The following ERC2 variants were observed in gnomAD, a reference collection of about 807,000 sequenced individuals.
ERC2 encodes the protein ELKS/RAB6-interacting/CAST family member 2, also known as ERC protein 2.
In ERC2, 42 loss-of-function variants were observed where a neutral mutation model predicts 114.8. The observed-to-expected ratio is 0.37, with a 90% CI of 0.29 to 0.47. The LOEUF is 0.47. ERC2 is among the 20% of genes least tolerant of loss of function. ERC2 has a pLI of 0.99. For missense variants in ERC2, 939 were observed against 1,150.7 expected, an observed-to-expected ratio of 0.82 and a Z score of 2.66; for synonymous variants, 454 against 425.5, an observed-to-expected ratio of 1.07 and a Z score of -0.82.
intron 3 of ERC2, among the ~76,000 whole-genome samples, chr3:56,249,819 A>G (rs1224254989): frequency 6.7e-6 from 1 of 149,648 alleles, no homozygotes; most frequent in African/African-American, 2.5e-5. Context: ...TGACATTTCC[A>G]TTATAAACCA....
intron 6 of ERC2, among the ~76,000 whole-genome samples, chr3:56,126,408 C>T (rs2079865406): frequency 6.6e-6 from 1 of 152,146 alleles, no homozygotes; most frequent in Non-Finnish European, 1.5e-5. Flanking sequence ...AACATCCCTT[C>T]ATGATAAAAA....
chr3:56,440,588 T>C (rs746907192), intron 1 of ERC2, among the ~76,000 whole-genome samples: 24 of 150,600 alleles, frequency 1.6e-4, no homozygotes, highest in Non-Finnish European at 3.1e-4. Context: ...CAGGGCATGT[T>C]GACTCCTGCT....
intron 1 of ERC2, among the ~76,000 whole-genome samples, chr3:56,452,316 A>G (rs906035903): frequency 3.9e-5 from 6 of 152,238 alleles, no homozygotes; most frequent in Non-Finnish European, 7.3e-5. Context: ...GAAGTTGACT[A>G]TGATGAATAT....
intron 3 of ERC2, among the ~76,000 whole-genome samples, chr3:56,229,699 T>C (rs1304120517): frequency 6.6e-6 from 1 of 152,060 alleles, no homozygotes; most frequent in African/African-American, 2.4e-5. Context: ...GAAGACATGA[T>C]GTGGATTGAG....
At chr3:55,805,640 C>A (rs2059458091) in intron 14 of ERC2, among the ~76,000 whole-genome samples, 1 of 148,802 alleles carries the variant, frequency 6.7e-6, no homozygotes, top group African/African-American at 2.5e-5. Context: ...GGGGTGCTAC[C>A]AGATGTGCTC....
At chr3:56,015,091 G>T (rs1560026096) in intron 8 of ERC2, among the ~76,000 whole-genome samples, 1 of 151,884 alleles carries the variant, frequency 6.6e-6, no homozygotes, top group Admixed American at 6.6e-5. Context: ...CTCCTCCATG[G>T]TTTTTTTAGC....
chr3:56,119,941 A>G (rs951840742), intron 6 of ERC2, among the ~76,000 whole-genome samples: 14 of 152,228 alleles, frequency 9.2e-5, no homozygotes, highest in South Asian at 4.1e-4. Context: ...AAATAAAAGT[A>G]CCAAAGAAAA....
intron 13 of ERC2, among the ~76,000 whole-genome samples, chr3:55,891,518 C>T (rs1217002769): frequency 7.3e-6 from 1 of 137,908 alleles, no homozygotes; most frequent in Non-Finnish European, 1.5e-5. Flanking sequence ...GTGATCTTGG[C>T]TCACTGCAAT....
chr3:56,310,903 T>C (rs534742649), intron 2 of ERC2, among the ~76,000 whole-genome samples: 1 of 152,092 alleles, frequency 6.6e-6, no homozygotes, highest in African/African-American at 2.4e-5. Context: ...AAGTTTCAGT[T>C]TTACTACTGA....
At chr3:56,189,200 A>G (rs903750194) in intron 3 of ERC2, among the ~76,000 whole-genome samples, 15 of 152,176 alleles carry the variant, frequency 9.9e-5, no homozygotes, top group African/African-American at 3.4e-4. Context: ...ACCTCCACAG[A>G]ATGAATCTGT....
chr3:55,828,755 A>G (rs2060441154), intron 14 of ERC2, among the ~76,000 whole-genome samples: 1 of 152,170 alleles, frequency 6.6e-6, no homozygotes, highest in Non-Finnish European at 1.5e-5. Context: ...TTGTGGTAGG[A>G]ACCTAACCAG....
At chr3:56,467,275 C>T (rs938600639) in intron 1 of ERC2, 7 of 152,212 alleles carry the variant, frequency 4.6e-5, no homozygotes, top group Admixed American at 2.6e-4. Context: ...ATTCTACCCA[C>T]GTAAGTGGCA....
chr3:55,854,255 T>C (rs2061693841), intron 14 of ERC2, among the ~76,000 whole-genome samples: 1 of 152,136 alleles, frequency 6.6e-6, no homozygotes. Context: ...AGCCCAGGTG[T>C]CAGAGTGAGA....
At chr3:56,222,714 A>G (rs572427708) in intron 3 of ERC2, among the ~76,000 whole-genome samples, 2 of 152,322 alleles carry the variant, frequency 1.3e-5, no homozygotes, top group South Asian at 4.1e-4. Context: ...TGCTCAACAA[A>G]TATTGAATAG....
intron 17 of ERC2, chr3:55,657,873 T>C (rs1184607367): frequency 2.0e-5 from 3 of 152,192 alleles, no homozygotes; most frequent in Non-Finnish European, 4.4e-5. Context: ...GTGTGTAAAG[T>C]GCTGAGGAGT....
intron 2 of ERC2, among the ~76,000 whole-genome samples, chr3:56,414,558 AC>A: frequency 6.6e-6 from 1 of 152,052 alleles, no homozygotes; most frequent in Non-Finnish European, 1.5e-5. Flanking sequence ...TTTAGACTCT[AC>A]TAAAAATACA....
At chr3:56,387,187 T>C (rs1046147926) in intron 2 of ERC2, among the ~76,000 whole-genome samples, 2 of 152,172 alleles carry the variant, frequency 1.3e-5, no homozygotes, top group Admixed American at 1.3e-4. Context: ...TTAGAGAATG[T>C]CACATCAACT....
At chr3:55,797,862 A>G (rs2070644088) in intron 14 of ERC2, among the ~76,000 whole-genome samples, 1 of 152,258 alleles carries the variant, frequency 6.6e-6, no homozygotes, top group Non-Finnish European at 1.5e-5. Context: ...CAGACTATCA[A>G]AAGTTACTAG....
chr3:56,196,737 G>A (rs899932168), intron 3 of ERC2, among the ~76,000 whole-genome samples: 2 of 152,006 alleles, frequency 1.3e-5, no homozygotes, highest in Admixed American at 6.6e-5. Context: ...GTGGCTTGAC[G>A]AGGCCTAGCT....
Sources: allele counts gnomAD v4.1 joint callset (sites outside exome capture counted in the v4.1 genomes callset), GRCh38; gene constraint gnomAD v4.1.1; transcripts MANE v1.5; gene names NCBI Gene and HGNC (gene_info 2026-07-23, HGNC 2026-07-21).